APBB2: variants seen among roughly 807,000 people sequenced by gnomAD.
The protein encoded by APBB2 is amyloid beta precursor protein binding family B member 2, also known as Fe65-like 1.
A neutral mutation model predicts 82.5 loss-of-function variants in APBB2; 38 were observed. That is an observed-to-expected ratio of 0.46 (90% CI 0.36 to 0.60). The LOEUF (loss-of-function observed/expected upper bound fraction) is 0.60, where lower values mean the gene tolerates loss of function less well. Ranked by LOEUF, APBB2 falls within the 20% of genes least tolerant of loss-of-function variation. APBB2 has a pLI of 0.00. For missense variants in APBB2, 772 were observed against 972.3 expected, an observed-to-expected ratio of 0.79 and a Z score of 2.74; for synonymous variants, 341 against 368.2, an observed-to-expected ratio of 0.93 and a Z score of 0.85.
chr4:41,164,196 A>G (rs1580538242), intron 1 of APBB2, among the ~76,000 whole-genome samples: 1 of 152,342 alleles, frequency 6.6e-6, no homozygotes, highest in African/African-American at 2.4e-5. Context: ...TGCATGAAAC[A>G]AAGTTTTGAC....
intron 12 of APBB2, among the ~76,000 whole-genome samples, chr4:40,868,821 T>C (rs918868546): frequency 4.6e-5 from 7 of 152,208 alleles, no homozygotes; most frequent in Non-Finnish European, 8.8e-5. Context: ...AGCCATTTTA[T>C]TATTTTTGCC....
At chr4:40,996,377 C>G (rs1803639158) in intron 6 of APBB2, among the ~76,000 whole-genome samples, 1 of 152,166 alleles carries the variant, frequency 6.6e-6, no homozygotes, top group Non-Finnish European at 1.5e-5. Context: ...ACCCATGTTT[C>G]CACCCCATCC....
intron 6 of APBB2, among the ~76,000 whole-genome samples, chr4:41,000,909 G>A (rs1379675233): frequency 6.6e-6 from 1 of 152,048 alleles, no homozygotes; most frequent in East Asian, 1.9e-4. Flanking sequence ...ACTAAAAGAC[G>A]AAAGCCACTT....
chr4:41,060,048 T>C (rs1465752710), intron 4 of APBB2, among the ~76,000 whole-genome samples: 2 of 151,906 alleles, frequency 1.3e-5, no homozygotes, highest in Non-Finnish European at 2.9e-5. Context: ...CATGGGGCAC[T>C]AACTGAGGAA....
chr4:41,000,558 G>A (rs1804926330), intron 6 of APBB2, among the ~76,000 whole-genome samples: 1 of 152,126 alleles, frequency 6.6e-6, no homozygotes, highest in Non-Finnish European at 1.5e-5. Context: ...CACAGAAAGT[G>A]GTAAATGTCA....
At chr4:40,996,831 C>T (rs1327700660) in intron 6 of APBB2, among the ~76,000 whole-genome samples, 3 of 152,124 alleles carry the variant, frequency 2.0e-5, no homozygotes, top group Non-Finnish European at 4.4e-5. Context: ...CTCATAATCA[C>T]CTGCCTCCTT....
At chr4:40,917,333 AAAG>A (rs1780091790) in intron 10 of APBB2, among the ~76,000 whole-genome samples, 1 of 152,138 alleles carries the variant, frequency 6.6e-6, no homozygotes, top group Non-Finnish European at 1.5e-5. Flanking sequence ...GAGGCCCATC[AAAG>A]AAAGGGAAGT....
intron 12 of APBB2, among the ~76,000 whole-genome samples, chr4:40,872,993 C>CAGG (rs1188972180): frequency 6.7e-6 from 1 of 149,628 alleles, no homozygotes; most frequent in African/African-American, 2.5e-5. Flanking sequence ...GAGGCTGAGG[C>CAGG]AGGAGAACTG....
chr4:41,002,913 C>CTG (rs1553904169), intron 6 of APBB2, among the ~76,000 whole-genome samples: 1 of 151,876 alleles, frequency 6.6e-6, no homozygotes, highest in African/African-American at 2.4e-5. Flanking sequence ...TAATAAAATC[C>CTG]TATGTTTCCT....
At chr4:40,845,616 C>G (rs1371593085) in intron 12 of APBB2, among the ~76,000 whole-genome samples, 6 of 53,126 alleles carry the variant, frequency 1.1e-4, no homozygotes, top group Admixed American at 2.1e-4. Context: ...AAAAAAAAAA[C>G]CAGCACACCA....
At chr4:41,019,534 G>A (rs1446063952) in intron 5 of APBB2, among the ~76,000 whole-genome samples, 1 of 152,194 alleles carries the variant, frequency 6.6e-6, no homozygotes, top group African/African-American at 2.4e-5. Context: ...GTATGGTGTA[G>A]AAGGAAACTT....
At chr4:40,950,709 T>A (rs1789898541) in intron 6 of APBB2, among the ~76,000 whole-genome samples, 2 of 151,926 alleles carry the variant, frequency 1.3e-5, no homozygotes, top group Admixed American at 1.3e-4. Flanking sequence ...CGAGTGTGGT[T>A]GCATGCCCCT....
chr4:40,915,336 C>T (rs1298534007), intron 10 of APBB2, among the ~76,000 whole-genome samples: 1 of 152,182 alleles, frequency 6.6e-6, no homozygotes, highest in Non-Finnish European at 1.5e-5. Context: ...GTCTTTTCAC[C>T]TGATGTACTT....
chr4:40,971,589 A>AT (rs1191961367), intron 6 of APBB2, among the ~76,000 whole-genome samples: 6 of 152,132 alleles, frequency 3.9e-5, no homozygotes, highest in African/African-American at 1.4e-4. Context: ...CTTCTGCAAT[A>AT]TTTTTCCCAG....
intron 5 of APBB2, among the ~76,000 whole-genome samples, chr4:41,015,061 C>T (rs1809508370): frequency 6.6e-6 from 1 of 152,198 alleles, no homozygotes; most frequent in Non-Finnish European, 1.5e-5. Context: ...GCACACAAAA[C>T]TATTACTGTA....
At chr4:41,147,372 A>G (rs1761056945) in intron 1 of APBB2, among the ~76,000 whole-genome samples, 1 of 150,610 alleles carries the variant, frequency 6.6e-6, no homozygotes, top group South Asian at 2.1e-4. Flanking sequence ...ATCCTTTTTT[A>G]TTCAAAACCT....
At chr4:40,989,687 TA>T (rs1423396144) in intron 6 of APBB2, among the ~76,000 whole-genome samples, 5 of 152,198 alleles carry the variant, frequency 3.3e-5, no homozygotes, top group African/African-American at 9.7e-5. Context: ...CACAGACTGA[TA>T]CAGCCCCCTA....
At position 40,826,138 on chromosome 4, in the gene APBB2, A is replaced by T. The variant is rs1389911830; in HGVS notation, c.1733-168T>A. The stretch of plus-strand genomic sequence containing the variant: ...TTCTACAAGAGCAGCATTACTCCAG[A>T]TATTGGGGCTCTGTTAAAATCCTGT... On this transcript the variant is annotated intron_variant, in intron 14 of 17. Coordinates refer to ENST00000508593, the MANE Select transcript of APBB2 (RefSeq NM_004307.2). The surrounding 1 kb of genome is among the most constrained non-coding windows in gnomAD (Gnocchi z 4.5). 1 of 609,006 alleles carries T rather than the reference A, an allele frequency of 1.6e-6. No homozygotes were observed. The allele number at this position is 609,006 out of a possible 1,614,324, so 37.7% of individuals were successfully genotyped here.
chr4:40,957,635 G>A (rs933081568), intron 6 of APBB2, among the ~76,000 whole-genome samples: 1 of 150,432 alleles, frequency 6.6e-6, no homozygotes, highest in Non-Finnish European at 1.5e-5. Context: ...CCCGGCTGGA[G>A]TGCAATGGTG....
Sources: allele counts gnomAD v4.1 joint callset (sites outside exome capture counted in the v4.1 genomes callset), GRCh38; gene constraint gnomAD v4.1.1; non-coding constraint Gnocchi (gnomAD v3.1); transcripts MANE v1.5; gene names NCBI Gene and HGNC (gene_info 2026-07-23, HGNC 2026-07-21).